EPHA6: variants seen among roughly 807,000 people sequenced by gnomAD.
EPHA6 encodes ephrin type-A receptor 6.
EPHA6 carries 50 observed loss-of-function variants against 112.0 expected under a neutral mutation model. The observed-to-expected ratio is 0.45, with a 90% CI of 0.36 to 0.56. The LOEUF is 0.56. EPHA6 is among the 20% of genes least tolerant of loss of function. The probability of loss-of-function intolerance (pLI) is 0.00; values close to 1 mark genes in which losing one functional copy is unlikely to be tolerated. For synonymous variants in EPHA6, 529 were observed against 490.7 expected, an observed-to-expected ratio of 1.08 and a Z score of -1.03; for missense variants, 1,280 against 1,417.4, an observed-to-expected ratio of 0.90 and a Z score of 1.56.
intron 14 of EPHA6, among the ~76,000 whole-genome samples, chr3:97,715,217 G>A (rs1047509963): frequency 5.3e-5 from 8 of 152,142 alleles, no homozygotes; most frequent in African/African-American, 1.9e-4. Context: ...TGAGAGCTGA[G>A]AAATTGTGGG....
In EPHA6 at chr3:97,755,116, T is replaced by C. The variant is rs1345385887; in HGVS notation, c.*6415T>C. On this transcript the variant is annotated 3_prime_UTR_variant, in exon 18 of 18. Coordinates refer to ENST00000389672, the MANE Select transcript of EPHA6 (RefSeq NM_001080448.3). Reference sequence around the variant, plus strand: ...AGAGAACTTTTGATTTGTTTCATTATAGAGAAAGTCTCAAAGAATTCCATT... The same window carrying C: ...AGAGAACTTTTGATTTGTTTCATTACAGAGAAAGTCTCAAAGAATTCCATT... Among the ~76,000 whole-genome samples, 2 of 152,212 alleles carry C rather than the reference T, an allele frequency of 1.3e-5. No individual in the cohort carries two copies. The highest frequency in any genetic ancestry group is 2.9e-5 in the Non-Finnish European group (2 of 68,026).
At chr3:97,614,877 G>A (rs2093752703) in intron 13 of EPHA6, among the ~76,000 whole-genome samples, 1 of 152,106 alleles carries the variant, frequency 6.6e-6, no homozygotes, top group Non-Finnish European at 1.5e-5. Flanking sequence ...AGGATGGACT[G>A]GTAGTTGGAA....
chr3:97,708,606 TCAAATGTTAATCGC>T (rs1339564560), intron 14 of EPHA6, among the ~76,000 whole-genome samples: 2 of 152,098 alleles, frequency 1.3e-5, no homozygotes, highest in Non-Finnish European at 2.9e-5. Context: ...TAAAGAGAGG[TCAAATGTTAATCGC>T]CAAGACAATG....
chr3:97,147,572 A>G (rs2076073315), intron 3 of EPHA6, among the ~76,000 whole-genome samples: 1 of 152,138 alleles, frequency 6.6e-6, no homozygotes, highest in East Asian at 1.9e-4. Flanking sequence ...TTCTGGAAGT[A>G]CAATGTCCTC....
chr3:97,633,756 CAAT>C (rs1374391805), intron 13 of EPHA6, among the ~76,000 whole-genome samples: 1 of 152,024 alleles, frequency 6.6e-6, no homozygotes, highest in African/African-American at 2.4e-5. Context: ...TCAAGGAAAC[CAAT>C]ATGTCCTAAA....
intron 6 of EPHA6, among the ~76,000 whole-genome samples, chr3:97,410,451 A>T (rs1173421676): frequency 6.6e-6 from 1 of 152,054 alleles, no homozygotes; most frequent in East Asian, 1.9e-4. Context: ...TTTTATCTTT[A>T]CTTCCAGGAA....
chr3:97,161,254 A>G (rs1238372559), intron 3 of EPHA6, among the ~76,000 whole-genome samples: 4 of 152,128 alleles, frequency 2.6e-5, no homozygotes, highest in African/African-American at 9.7e-5. Context: ...GCTGTTTCTC[A>G]AAGGGGACTA....
chr3:97,009,696 C>T (rs988066410), intron 3 of EPHA6, among the ~76,000 whole-genome samples: 1 of 152,248 alleles, frequency 6.6e-6, no homozygotes, highest in African/African-American at 2.4e-5. Context: ...TCTGCACATT[C>T]CAGGGTTGGG....
At chr3:97,213,064 C>A (rs1024142097) in intron 3 of EPHA6, among the ~76,000 whole-genome samples, 19 of 152,284 alleles carry the variant, frequency 1.2e-4, no homozygotes, top group African/African-American at 4.6e-4. Context: ...AGAATAGAAT[C>A]CACATGTGTG....
intron 14 of EPHA6, among the ~76,000 whole-genome samples, chr3:97,685,003 C>G (rs2107690888): frequency 1.3e-5 from 2 of 152,304 alleles, no homozygotes; most frequent in Admixed American, 1.3e-4. Flanking sequence ...CAGAATTCCT[C>G]TATGTGTAGG....
intron 12 of EPHA6, among the ~76,000 whole-genome samples, chr3:97,600,024 A>T (rs1165672423): frequency 6.6e-6 from 1 of 151,464 alleles, no homozygotes; most frequent in African/African-American, 2.4e-5. Context: ...TTCTCTTTGA[A>T]GCAATTGTGA....
chr3:96,941,865 C>G (rs1452600892), intron 2 of EPHA6, among the ~76,000 whole-genome samples: 3 of 152,312 alleles, frequency 2.0e-5, no homozygotes, highest in East Asian at 3.9e-4. Context: ...GAGGTCCACT[C>G]CAGACCCTGT....
At chr3:97,335,076 CTTAA>C (rs1382811350) in intron 5 of EPHA6, among the ~76,000 whole-genome samples, 6 of 152,142 alleles carry the variant, frequency 3.9e-5, no homozygotes, top group African/African-American at 1.4e-4. Flanking sequence ...TCCACATGGG[CTTAA>C]TTGTGTCTCC....
chr3:97,500,278 A>C (rs556980410), intron 10 of EPHA6, among the ~76,000 whole-genome samples: 7 of 152,022 alleles, frequency 4.6e-5, no homozygotes, highest in Admixed American at 6.6e-5. Flanking sequence ...AGACTGGATA[A>C]TTTTATTTTT....
Position 97,268,901 on chromosome 3 carries a change from TAAA to T in EPHA6, c.1606+24617_1606+24619del, listed in dbSNP as rs2079787023. ...TCTTTAAATTTTCTCTATATTTTTCTAAAAATTAGCAGTTATAACTTTATTATA... is the reference window on the plus strand; with the variant it reads ...TCTTTAAATTTTCTCTATATTTTTCTAATTAGCAGTTATAACTTTATTATA... On this transcript the variant is annotated intron_variant, in intron 5 of 17. Coordinates refer to ENST00000389672, the MANE Select transcript of EPHA6 (RefSeq NM_001080448.3). 2.6e-5 allele frequency among the ~76,000 whole-genome samples: 4 copies of T among 152,230 alleles called. No individual in the cohort carries two copies. In the South Asian group the frequency reaches 8.3e-4, roughly 31 times the overall value.
chr3:97,564,529 G>A (rs893867965), intron 11 of EPHA6, among the ~76,000 whole-genome samples: 12 of 151,542 alleles, frequency 7.9e-5, no homozygotes, highest in Non-Finnish European at 1.6e-4. Flanking sequence ...TAAATTAAAG[G>A]GTCAACTTTA....
chr3:97,280,834 C>T (rs185532669), intron 5 of EPHA6, among the ~76,000 whole-genome samples: 2 of 152,092 alleles, frequency 1.3e-5, no homozygotes, highest in African/African-American at 2.4e-5. Context: ...CTCTATTACC[C>T]TTTAATGTGT....
At chr3:97,200,341 A>G (rs2077547552) in intron 3 of EPHA6, among the ~76,000 whole-genome samples, 1 of 152,088 alleles carries the variant, frequency 6.6e-6, no homozygotes. Flanking sequence ...CGCAAAATCC[A>G]TGAGGTCCTT....
At chr3:97,326,368 C>A (rs548665328) in intron 5 of EPHA6, among the ~76,000 whole-genome samples, 7 of 151,496 alleles carry the variant, frequency 4.6e-5, no homozygotes, top group Non-Finnish European at 1.0e-4. Flanking sequence ...ATCAGCTACC[C>A]TTTATTCTTC....
Sources: gnomAD v4.1 joint callset for allele counts (sites outside exome capture counted in the v4.1 genomes callset) on GRCh38, gnomAD v4.1.1 for gene constraint, MANE v1.5 for transcripts, NCBI Gene and HGNC (gene_info 2026-07-23, HGNC 2026-07-21) for gene names.